The following SGCZ variants were observed in gnomAD, a reference collection of about 807,000 sequenced individuals.
SGCZ encodes the protein sarcoglycan zeta, also known as zeta-sarcoglycan.
A neutral mutation model predicts 41.3 loss-of-function variants in SGCZ; 40 were observed. The observed-to-expected ratio is 0.97, with a 90% confidence interval of 0.75 to 1.26. SGCZ has a LOEUF of 1.26. Among genes scored for constraint, SGCZ ranks in the 50% most tolerant of loss-of-function variants. SGCZ has a pLI of 0.00. For synonymous variants in SGCZ, 206 were observed against 137.5 expected, an observed-to-expected ratio of 1.50 and a Z score of -3.49; for missense variants, 552 against 369.8, an observed-to-expected ratio of 1.49 and a Z score of -4.04.
intron 1 of SGCZ, among the ~76,000 whole-genome samples, chr8:14,666,929 G>C (rs2117498547): frequency 6.6e-6 from 1 of 151,812 alleles, no homozygotes; most frequent in East Asian, 1.9e-4. Context: ...AAATATGTTT[G>C]TATATAAACA....
At chr8:14,220,918 G>C (rs1390643848) in intron 4 of SGCZ, among the ~76,000 whole-genome samples, 2 of 152,132 alleles carry the variant, frequency 1.3e-5, no homozygotes. Context: ...GTAGATGTTG[G>C]AAGTAACCAT....
intron 1 of SGCZ, among the ~76,000 whole-genome samples, chr8:14,572,918 T>C (rs1804597935): frequency 2.0e-5 from 3 of 152,188 alleles, no homozygotes; most frequent in Admixed American, 2.0e-4. Context: ...GTTTCTGCAA[T>C]GAATATTTAC....
At chr8:14,798,130 T>G (rs1801199158) in intron 1 of SGCZ, among the ~76,000 whole-genome samples, 1 of 152,234 alleles carries the variant, frequency 6.6e-6, no homozygotes, top group Non-Finnish European at 1.5e-5. Flanking sequence ...TTTTCAAGAT[T>G]TCCATGTCAT....
intron 1 of SGCZ, among the ~76,000 whole-genome samples, chr8:14,700,183 T>C (rs1809091048): frequency 6.6e-6 from 1 of 151,686 alleles, no homozygotes; most frequent in East Asian, 1.9e-4. Context: ...AAATTGACAA[T>C]AATAAAGACA....
intron 1 of SGCZ, among the ~76,000 whole-genome samples, chr8:15,115,230 G>A (rs536063737): frequency 6.6e-6 from 1 of 152,102 alleles, no homozygotes; most frequent in Non-Finnish European, 1.5e-5. Context: ...GCTATCAAAG[G>A]CAGGGCAGTT....
intron 5 of SGCZ, among the ~76,000 whole-genome samples, chr8:14,120,976 C>A (rs532070372): frequency 2.0e-5 from 3 of 152,014 alleles, no homozygotes; most frequent in Admixed American, 6.6e-5. Context: ...GCAATCTGAA[C>A]CTCCTCCACA....
chr8:14,443,869 C>A (rs932541457), intron 2 of SGCZ, among the ~76,000 whole-genome samples: 2 of 152,128 alleles, frequency 1.3e-5, no homozygotes, highest in African/African-American at 2.4e-5. Context: ...TCAGAGTGAA[C>A]AGGCAACCTA....
At chr8:15,033,169 G>A (rs1296674686) in intron 1 of SGCZ, among the ~76,000 whole-genome samples, 2 of 151,374 alleles carry the variant, frequency 1.3e-5, no homozygotes, top group African/African-American at 4.9e-5. Context: ...AAGTCTGAAT[G>A]AATCATGTGA....
chr8:14,706,513 G>A (rs1055495648), intron 1 of SGCZ, among the ~76,000 whole-genome samples: 14 of 152,054 alleles, frequency 9.2e-5, no homozygotes, highest in Middle Eastern at 3.4e-3. Flanking sequence ...TCCAGAGTTC[G>A]TCCATTTCAT....
At chr8:14,188,472 T>C (rs1804977511) in intron 4 of SGCZ, among the ~76,000 whole-genome samples, 1 of 152,192 alleles carries the variant, frequency 6.6e-6, no homozygotes, top group African/African-American at 2.4e-5. Flanking sequence ...TATGGTTATA[T>C]TTATATTAAA....
At chr8:14,366,668 C>G (rs775370151) in intron 2 of SGCZ, among the ~76,000 whole-genome samples, 7 of 152,100 alleles carry the variant, frequency 4.6e-5, no homozygotes, top group Non-Finnish European at 8.8e-5. Flanking sequence ...TGAGACAAGA[C>G]AAGTTTTCAA....
At chr8:14,349,015 A>G (rs1324029742) in intron 2 of SGCZ, among the ~76,000 whole-genome samples, 4 of 152,094 alleles carry the variant, frequency 2.6e-5, no homozygotes, top group Non-Finnish European at 5.9e-5. Flanking sequence ...TTCCAAACTA[A>G]TAGTAATCAT....
chr8:14,714,218 C>T (rs1048965981), intron 1 of SGCZ, among the ~76,000 whole-genome samples: 5 of 152,076 alleles, frequency 3.3e-5, no homozygotes, highest in Admixed American at 1.3e-4. Flanking sequence ...CTGCCCGTCT[C>T]GGCCTCCCAA....
At chr8:14,750,179 G>A (rs548915866) in intron 1 of SGCZ, among the ~76,000 whole-genome samples, 3 of 152,150 alleles carry the variant, frequency 2.0e-5, no homozygotes, top group East Asian at 3.9e-4. Flanking sequence ...CCATCTGTGG[G>A]GAAGAAACAT....
intron 1 of SGCZ, among the ~76,000 whole-genome samples, chr8:14,702,238 T>C (rs111537438): frequency 4.6e-4 from 70 of 152,090 alleles, no homozygotes; most frequent in African/African-American, 1.6e-3. Flanking sequence ...CACTTGGAAA[T>C]CTCTTTCCTG....
chr8:14,453,682 T>G (rs371111854), intron 2 of SGCZ, among the ~76,000 whole-genome samples: 1 of 152,212 alleles, frequency 6.6e-6, no homozygotes. Context: ...TTAAGCAGCA[T>G]GCTAATCCCT....
intron 1 of SGCZ, among the ~76,000 whole-genome samples, chr8:15,019,465 C>A (rs1030661040): frequency 6.6e-6 from 1 of 152,110 alleles, no homozygotes; most frequent in Non-Finnish European, 1.5e-5. Flanking sequence ...GCTCTCTTTC[C>A]TCTTTCAGCC....
intron 1 of SGCZ, among the ~76,000 whole-genome samples, chr8:14,649,634 G>A (rs767169876): frequency 4.7e-5 from 7 of 149,324 alleles, no homozygotes; most frequent in African/African-American, 1.7e-4. Context: ...AGCTCAGCTC[G>A]TTAAGTTTTC....
At chr8:14,312,664 G>C (rs968079592) in intron 3 of SGCZ, among the ~76,000 whole-genome samples, 1 of 151,764 alleles carries the variant, frequency 6.6e-6, no homozygotes, top group African/African-American at 2.4e-5. Flanking sequence ...AGGAAGAGGA[G>C]GAGGAAGAGG....
Sources: gnomAD v4.1 joint callset for allele counts (sites outside exome capture counted in the v4.1 genomes callset) on GRCh38, gnomAD v4.1.1 for gene constraint, MANE v1.5 for transcripts, NCBI Gene and HGNC (gene_info 2026-07-23, HGNC 2026-07-21) for gene names.